Variants in AP4S1 observed in about 807,000 individuals in gnomAD.
The protein encoded by AP4S1 is adaptor related protein complex 4 subunit sigma 1, also known as AP-4 complex subunit sigma-1.
AP4S1 carries 23 observed loss-of-function variants against 19.8 expected under a neutral mutation model. The observed-to-expected ratio is 1.16, with a 90% CI of 0.84 to 1.65. AP4S1 has a LOEUF of 1.65. Among genes scored for constraint, AP4S1 ranks in the 40% most tolerant of loss-of-function variants. The pLI, the probability that AP4S1 is intolerant of heterozygous loss-of-function variation, is 0.00. For synonymous variants in AP4S1, 46 were observed against 54.1 expected (o/e 0.85, Z 0.66); for missense variants, 166 against 172.8 (o/e 0.96, Z 0.22).
At chr14:31,091,792 G>A (rs1471213688) in intron 5 of AP4S1, among the ~76,000 whole-genome samples, 1 of 152,182 alleles carries the variant, frequency 6.6e-6, no homozygotes, top group Admixed American at 6.5e-5. Context: ...AACTCCGCTA[G>A]TGCATTTAAT....
chr14:31,026,035 G>A (rs1883875783), intron 1 of AP4S1: 2 of 1,537,082 alleles, frequency 1.3e-6, no homozygotes, highest in Admixed American at 2.0e-5. Context: ...CCTGCCGCGG[G>A]ACCCGCTCCC....
chr14:31,027,629 T>A (rs1312664527), intron 1 of AP4S1, among the ~76,000 whole-genome samples: 1 of 152,182 alleles, frequency 6.6e-6, no homozygotes, highest in South Asian at 2.1e-4. Flanking sequence ...ACCACTGCAC[T>A]CCAGCCTGGG....
intron 1 of AP4S1, among the ~76,000 whole-genome samples, chr14:31,053,296 T>C (rs1205523842): frequency 6.6e-6 from 1 of 152,132 alleles, no homozygotes; most frequent in Non-Finnish European, 1.5e-5. Flanking sequence ...ATTTTCTCCA[T>C]CAGTCAGTAA....
In AP4S1 at chr14:31,065,756, G is replaced by T. The variant is rs553670440; in HGVS notation, c.-71-370G>T. 5.4e-4 allele frequency among the ~76,000 whole-genome samples: 83 copies of T among 152,300 alleles called. No homozygotes were observed. In the East Asian group the frequency reaches 6.6e-3, roughly 12 times the overall value. ...GCTCACTGCAAGCTCCGCCTCCGGG[G>T]TTCACACCATTCCCCTGCCTCAGCC... On this transcript the variant is annotated intron_variant, in intron 1 of 5. Transcript: ENST00000542754.
At chr14:31,085,697 TG>T in intron 5 of AP4S1, 1 of 685,872 alleles carries the variant, frequency 1.5e-6, no homozygotes, top group Non-Finnish European at 1.8e-6. Context: ...CACTTGAGCC[TG>T]GGGGACTGAG....
intron 1 of AP4S1, chr14:31,026,222 G>C: frequency 7.2e-7 from 1 of 1,381,332 alleles, no homozygotes; most frequent in Non-Finnish European, 9.3e-7. Context: ...AGGGCGAGAC[G>C]CCGACAGCTG....
In AP4S1 at chr14:31,025,735, G is replaced by C; in HGVS notation, c.-124G>C. ...AGCAAGCTTATGCGGGAAAGAGGGA[G>C]GGGGACTCCAGGAAAAGCCGTTGAG... On this transcript the variant is annotated 5_prime_UTR_variant, in exon 1 of 6. Transcript: ENST00000542754. 1 of 899,612 alleles carries C rather than the reference G, an allele frequency of 1.1e-6. No homozygotes were observed. The highest frequency in any genetic ancestry group is 1.6e-6 in the Non-Finnish European group (1 of 613,662). 55.7% of individuals were successfully genotyped at this position (899,612 alleles called of 1,614,324 possible). A position where few individuals can be genotyped will look rare whatever the true frequency, so the allele number is the denominator to read the frequency against.
Position 31,094,796 on chromosome 14 carries a change from CTT to C in AP4S1, c.*1762_*1763del. 1 of 152,476 alleles carries C rather than the reference CTT, an allele frequency of 6.6e-6. No individual in the cohort carries two copies. Among genetic ancestry groups the C allele is most frequent in the South Asian group, 2.1e-4 (1 of 4,832 alleles). The allele number at this position is 152,476 out of a possible 1,614,324, so 9.4% of individuals were successfully genotyped here. Reference sequence around the variant, plus strand: ...TTGGGAGGCCGAGGCAGGCAGATCACTTGAGGTCAGGAGTTTGAAACCAGCCT... The same window carrying C: ...TTGGGAGGCCGAGGCAGGCAGATCACGAGGTCAGGAGTTTGAAACCAGCCT... On this transcript the variant is annotated 3_prime_UTR_variant, in exon 6 of 6. Transcript: ENST00000542754.
chr14:31,040,609 A>G (rs1268227718), intron 1 of AP4S1, among the ~76,000 whole-genome samples: 3 of 151,926 alleles, frequency 2.0e-5, no homozygotes, highest in African/African-American at 4.8e-5. Flanking sequence ...AGAAAAATCT[A>G]TTTGCTTTGT....
At chr14:31,035,853 C>A (rs1009843377) in intron 1 of AP4S1, among the ~76,000 whole-genome samples, 42 of 152,020 alleles carry the variant, frequency 2.8e-4, no homozygotes, top group African/African-American at 9.2e-4. Context: ...CCTCAGCCTT[C>A]CCGAGTAGCT....
intron 4 of AP4S1, among the ~76,000 whole-genome samples, chr14:31,074,833 C>T (rs1376684626): frequency 6.6e-6 from 1 of 152,066 alleles, no homozygotes; most frequent in African/African-American, 2.4e-5. Context: ...TTATCCCCTC[C>T]ACCCACACCA....
intron 1 of AP4S1, chr14:31,027,335 TC>T (rs1350220496): frequency 6.6e-6 from 1 of 152,146 alleles, no homozygotes; most frequent in Non-Finnish European, 1.5e-5. Context: ...CAACTTAAAA[TC>T]CTAGATGAAT....
chr14:31,071,711 C>A (rs1285821065), intron 3 of AP4S1, among the ~76,000 whole-genome samples: 1 of 151,912 alleles, frequency 6.6e-6, no homozygotes, highest in African/African-American at 2.4e-5. Flanking sequence ...AGCCACCGCA[C>A]CCGGCCTAAA....
At chr14:31,046,759 T>C (rs1455671780) in intron 1 of AP4S1, among the ~76,000 whole-genome samples, 1 of 147,650 alleles carries the variant, frequency 6.8e-6, no homozygotes, top group African/African-American at 2.5e-5. Flanking sequence ...GGCAGGAGAA[T>C]GGTGTGAACC....
At chr14:31,035,999 G>T (rs1178037214) in intron 1 of AP4S1, among the ~76,000 whole-genome samples, 2 of 151,936 alleles carry the variant, frequency 1.3e-5, no homozygotes, top group African/African-American at 2.4e-5. Flanking sequence ...CAAAGTGCTG[G>T]GATTACAGGC....
At chr14:31,088,533 C>A (rs1045688779) in intron 5 of AP4S1, among the ~76,000 whole-genome samples, 1 of 152,038 alleles carries the variant, frequency 6.6e-6, no homozygotes, top group East Asian at 1.9e-4. Flanking sequence ...AACAGCCAGG[C>A]GCGGTGGCTC....
intron 1 of AP4S1, chr14:31,026,326 G>C: frequency 1.1e-6 from 1 of 900,416 alleles, no homozygotes; most frequent in Non-Finnish European, 1.5e-6. Flanking sequence ...TGTGCCTGCC[G>C]TGGGTCAGAG....
At position 31,075,083 on chromosome 14, in the gene AP4S1, T is replaced by G. The variant is rs145045878; in HGVS notation, c.294+2110T>G. Among the ~76,000 whole-genome samples the G allele has an allele frequency of 7.3e-4, 111 of 152,330 alleles. No homozygotes were observed. The East Asian group carries it at 0.017, about 24-fold the overall frequency. ...TTTGAAATATACAATAGATTATTAT[T>G]AACCATAGTCACCCTACTGATTTAT... On this transcript the variant is annotated intron_variant, in intron 4 of 5. Coordinates refer to ENST00000542754, the MANE Select transcript of AP4S1 (RefSeq NM_001128126.3).
intron 1 of AP4S1, among the ~76,000 whole-genome samples, chr14:31,035,361 A>AT (rs1884676824): frequency 7.6e-6 from 1 of 131,710 alleles, no homozygotes; most frequent in South Asian, 2.8e-4. Context: ...CACCCAGCTA[A>AT]TTTTTGTATT....
Sources: gnomAD v4.1 joint callset for allele counts (sites outside exome capture counted in the v4.1 genomes callset) on GRCh38, gnomAD v4.1.1 for gene constraint, MANE v1.5 for transcripts, NCBI Gene and HGNC (gene_info 2026-07-23, HGNC 2026-07-21) for gene names.